Variants in ADGRL3 observed in about 807,000 individuals in gnomAD.
ADGRL3 encodes adhesion G protein-coupled receptor L3.
Under a neutral mutation model 153.5 loss-of-function variants are expected in ADGRL3, and 62 were observed. The observed-to-expected ratio is 0.40, with a 90% confidence interval of 0.33 to 0.50. The LOEUF (loss-of-function observed/expected upper bound fraction) is 0.50. ADGRL3 is among the 20% of genes least tolerant of loss of function. The pLI is 0.47. For missense variants in ADGRL3, 1,641 were observed against 1,859.4 expected, an observed-to-expected ratio of 0.88 and a Z score of 2.16; for synonymous variants, 710 against 672.5, an observed-to-expected ratio of 1.06 and a Z score of -0.86.
At chr4:62,044,188 A>AGTACTTT (rs1333852559) in intron 24 of ADGRL3, among the ~76,000 whole-genome samples, 2 of 152,004 alleles carry the variant, frequency 1.3e-5, no homozygotes, top group Non-Finnish European at 2.9e-5. Flanking sequence ...AAATTGGTAT[A>AGTACTTT]GTACTTTACA....
intron 2 of ADGRL3, among the ~76,000 whole-genome samples, chr4:61,493,883 C>T (rs2152795534): frequency 6.6e-6 from 1 of 152,238 alleles, no homozygotes; most frequent in Non-Finnish European, 1.5e-5. Flanking sequence ...GTAATTTTGG[C>T]TTGAAATTCT....
intron 2 of ADGRL3, among the ~76,000 whole-genome samples, chr4:61,442,596 T>C (rs944615056): frequency 4.0e-5 from 6 of 151,594 alleles, no homozygotes; most frequent in Non-Finnish European, 8.8e-5. Flanking sequence ...TTATGAGGAG[T>C]AGAAGAAAAT....
At chr4:61,209,904 G>A (rs1041361482) in intron 1 of ADGRL3, among the ~76,000 whole-genome samples, 3 of 152,028 alleles carry the variant, frequency 2.0e-5, no homozygotes, top group African/African-American at 7.2e-5. Context: ...CATCATAAAC[G>A]TCGAAGATAT....
intron 13 of ADGRL3, among the ~76,000 whole-genome samples, chr4:61,917,536 C>G (rs1448124486): frequency 6.6e-6 from 1 of 152,160 alleles, no homozygotes; most frequent in Non-Finnish European, 1.5e-5. Context: ...GAGGAACTGT[C>G]TGTTTTCCAG....
chr4:61,380,875 T>C (rs1459577886), intron 1 of ADGRL3, among the ~76,000 whole-genome samples: 4 of 152,036 alleles, frequency 2.6e-5, no homozygotes, highest in Admixed American at 2.6e-4. Flanking sequence ...ACAAAAGAAA[T>C]TCAGTCGTAT....
chr4:61,640,116 AATC>A (rs935992993), intron 5 of ADGRL3, among the ~76,000 whole-genome samples: 6 of 152,094 alleles, frequency 3.9e-5, no homozygotes, highest in Non-Finnish European at 7.4e-5. Context: ...TACTACTTAG[AATC>A]ATTTAAACTG....
chr4:61,881,406 T>C lies in ADGRL3; in HGVS notation c.1481-11250T>C, dbSNP rs527565108. Among the ~76,000 whole-genome samples, 310 of 152,252 alleles carry C rather than the reference T, an allele frequency of 2.0e-3. 2 individuals are homozygous for C. The highest frequency in any genetic ancestry group is 7.1e-3 in the African/African-American group (296 of 41,544). ...CTTTTTCTTTTTTTTGGAAACGGAG[T>C]CTGGCTCTGTCGCCCAGGCTGGAGT... On this transcript the variant is annotated intron_variant, in intron 9 of 26. Coordinates refer to ENST00000683033, the MANE Select transcript of ADGRL3 (RefSeq NM_001387552.1).
At chr4:61,490,357 T>C (rs1382898217) in intron 2 of ADGRL3, among the ~76,000 whole-genome samples, 1 of 152,028 alleles carries the variant, frequency 6.6e-6, no homozygotes, top group East Asian at 1.9e-4. Context: ...CTCTTCCTCA[T>C]TGTTTCCTTC....
At chr4:61,993,905 A>G (rs2099112610) in intron 19 of ADGRL3, among the ~76,000 whole-genome samples, 1 of 152,174 alleles carries the variant, frequency 6.6e-6, no homozygotes, top group Non-Finnish European at 1.5e-5. Flanking sequence ...GAACACCGTC[A>G]CAACAAAAGG....
intron 8 of ADGRL3, among the ~76,000 whole-genome samples, chr4:61,798,137 A>T (rs913008706): frequency 2.0e-5 from 3 of 151,718 alleles, no homozygotes; most frequent in Non-Finnish European, 2.9e-5. Flanking sequence ...TTCTGAAACA[A>T]TTTTTTTTTA....
intron 8 of ADGRL3, among the ~76,000 whole-genome samples, chr4:61,752,666 T>C (rs2096771519): frequency 2.0e-5 from 3 of 152,140 alleles, no homozygotes; most frequent in Admixed American, 2.0e-4. Flanking sequence ...GCACAGAGGC[T>C]CACAACCTGT....
chr4:61,274,081 G>A lies in ADGRL3; in HGVS notation c.-240+72316G>A, dbSNP rs114072515. Reference sequence around the variant, plus strand: ...ACATAATAAATGAGCAAAGGATTGAGAAACCTTAAAGTGCATATGTAGCAA... The same window carrying A: ...ACATAATAAATGAGCAAAGGATTGAAAAACCTTAAAGTGCATATGTAGCAA... On this transcript the variant is annotated intron_variant, in intron 1 of 26. Transcript: ENST00000683033. Among the ~76,000 whole-genome samples the A allele has an allele frequency of 2.9e-3, 439 of 152,292 alleles. 5 individuals are homozygous for A. The highest frequency in any genetic ancestry group is 4.2e-3 in the Non-Finnish European group (283 of 68,018).
intron 1 of ADGRL3, among the ~76,000 whole-genome samples, chr4:61,332,777 T>A (rs1015462647): frequency 3.3e-5 from 5 of 151,982 alleles, no homozygotes; most frequent in African/African-American, 1.2e-4. Flanking sequence ...TGGTTAGGGG[T>A]TGAAAGAAAG....
chr4:61,223,661 G>A (rs1746650344), intron 1 of ADGRL3, among the ~76,000 whole-genome samples: 2 of 152,210 alleles, frequency 1.3e-5, no homozygotes, highest in Admixed American at 6.5e-5. Context: ...TGTTGAGGGT[G>A]TGTGTCTGAG....
intron 1 of ADGRL3, among the ~76,000 whole-genome samples, chr4:61,256,363 A>AG (rs2091967344): frequency 6.6e-6 from 1 of 152,128 alleles, no homozygotes. Flanking sequence ...CTGTAGCAGC[A>AG]TTTGTTGGAT....
chr4:61,907,991 A>G (rs1485317503), intron 11 of ADGRL3, among the ~76,000 whole-genome samples: 1 of 152,200 alleles, frequency 6.6e-6, no homozygotes, highest in Non-Finnish European at 1.5e-5. Context: ...AGGACAGGTT[A>G]AAGTTTGAAA....
intron 9 of ADGRL3, among the ~76,000 whole-genome samples, chr4:61,864,438 A>C (rs772782817): frequency 2.6e-5 from 4 of 152,156 alleles, no homozygotes; most frequent in Non-Finnish European, 5.9e-5. Context: ...TCAAACATAA[A>C]ACCTTGGCTC....
intron 1 of ADGRL3, among the ~76,000 whole-genome samples, chr4:61,292,130 A>G (rs1460295774): frequency 6.6e-6 from 1 of 151,814 alleles, no homozygotes; most frequent in Non-Finnish European, 1.5e-5. Flanking sequence ...AACAATTAAT[A>G]CTGAAGTCAG....
At chr4:61,409,684 C>T (rs769228311) in intron 2 of ADGRL3, among the ~76,000 whole-genome samples, 5 of 151,406 alleles carry the variant, frequency 3.3e-5, no homozygotes, top group African/African-American at 4.8e-5. Context: ...AAAAATAATA[C>T]GATCATAAGC....
Sources: gnomAD v4.1 joint callset for allele counts (sites outside exome capture counted in the v4.1 genomes callset) on GRCh38, gnomAD v4.1.1 for gene constraint, MANE v1.5 for transcripts, NCBI Gene and HGNC (gene_info 2026-07-23, HGNC 2026-07-21) for gene names.